Variants in CDH9 observed in about 807,000 individuals in gnomAD.
CDH9 encodes the protein cadherin-9.
A neutral mutation model predicts 70.9 loss-of-function variants in CDH9; 28 were observed. The ratio of observed to expected loss-of-function variants is 0.40; its 90% confidence interval spans 0.29 to 0.54. The LOEUF (loss-of-function observed/expected upper bound fraction) is 0.54. Among genes scored for constraint, CDH9 ranks in the 20% least tolerant of loss-of-function variants. The pLI is 0.59. For synonymous variants in CDH9, 409 were observed against 343.1 expected (o/e 1.19, Z -2.12); for missense variants, 874 against 984.4 (o/e 0.89, Z 1.50).
At chr5:26,954,498 C>T (rs569520104) in intron 2 of CDH9, among the ~76,000 whole-genome samples, 17 of 149,648 alleles carry the variant, frequency 1.1e-4, no homozygotes, top group African/African-American at 4.2e-4. Context: ...CATTCGCCTG[C>T]CTCAGCCTCC....
intron 2 of CDH9, among the ~76,000 whole-genome samples, chr5:26,944,829 C>G (rs1741721461): frequency 6.6e-6 from 1 of 152,054 alleles, no homozygotes; most frequent in Non-Finnish European, 1.5e-5. Flanking sequence ...CCAACACCGA[C>G]AGGAAGCTAA....
intron 1 of CDH9, among the ~76,000 whole-genome samples, chr5:27,004,780 A>G (rs184339539): frequency 1.2e-4 from 19 of 152,262 alleles, no homozygotes; most frequent in African/African-American, 4.1e-4. Flanking sequence ...AAGTGGAAAT[A>G]ATAACTCAAA....
chr5:27,004,848 A>T lies in CDH9; in HGVS notation c.-49-16466T>A, dbSNP rs76926046. ...CATGCATTTGGATAATGGAGTCTAG[A>T]ATTTACAGCAGATTTTTAATACTGA... is the stretch of plus-strand genomic sequence containing the variant. On this transcript the variant is annotated intron_variant, in intron 1 of 11. Transcript: ENST00000231021. Among the ~76,000 whole-genome samples the T allele has an allele frequency of 4.0e-3, 608 of 152,292 alleles. 1 individual carries two copies. Among genetic ancestry groups the T allele is most frequent in the South Asian group, 7.0e-3 (34 of 4,830 alleles).
intron 7 of CDH9, among the ~76,000 whole-genome samples, chr5:26,900,848 G>T (rs966428622): frequency 6.6e-6 from 1 of 151,980 alleles, no homozygotes; most frequent in African/African-American, 2.4e-5. Context: ...CACTTGTTGA[G>T]CATTTGTAGC....
rs544736445 is a variant in CDH9 at position 26,909,179 on chromosome 5, G to T, written c.524-2341C>A. On this transcript the variant is annotated intron_variant, in intron 3 of 11. Transcript: ENST00000231021. Reference sequence around the variant, plus strand: ...TTTTTGTATTTTTAGTAGAGACGGGGTTTCCCATGTTAGCCAGGATGGTCT... The same window carrying T: ...TTTTTGTATTTTTAGTAGAGACGGGTTTTCCCATGTTAGCCAGGATGGTCT... Among the ~76,000 whole-genome samples, 439 of 152,076 alleles carry T rather than the reference G, an allele frequency of 2.9e-3. 3 individuals are homozygous for T. The highest frequency in any genetic ancestry group is 9.8e-3 in the African/African-American group (406 of 41,516).
chr5:26,929,490 T>C (rs919325968), intron 2 of CDH9, among the ~76,000 whole-genome samples: 2 of 151,974 alleles, frequency 1.3e-5, no homozygotes, highest in African/African-American at 4.8e-5. Flanking sequence ...CACAGATACA[T>C]ACATAGCCAA....
chr5:26,910,224 C>CATCT (rs61512455), intron 3 of CDH9, among the ~76,000 whole-genome samples: 62,809 of 148,936 alleles, frequency 0.42, 13,389 homozygotes, highest in East Asian at 0.53. Flanking sequence ...ATCTATCATC[C>CATCT]ATCTATCTAT....
chr5:26,974,103 G>C (rs920172070), intron 2 of CDH9, among the ~76,000 whole-genome samples: 3 of 152,038 alleles, frequency 2.0e-5, no homozygotes, highest in Non-Finnish European at 2.9e-5. Flanking sequence ...AATTAGCCGG[G>C]CATGATAGTG....
At chr5:26,935,218 A>C (rs947080737) in intron 2 of CDH9, among the ~76,000 whole-genome samples, 5 of 152,212 alleles carry the variant, frequency 3.3e-5, no homozygotes, top group African/African-American at 9.6e-5. Flanking sequence ...CAAGCTAAAA[A>C]TAAAGGAGAA....
chr5:26,958,417 C>A (rs919743296), intron 2 of CDH9, among the ~76,000 whole-genome samples: 1 of 152,154 alleles, frequency 6.6e-6, no homozygotes, highest in Non-Finnish European at 1.5e-5. Flanking sequence ...ATGACCTCCC[C>A]GTTTGCCTGC....
intron 7 of CDH9, among the ~76,000 whole-genome samples, chr5:26,897,772 C>T (rs1740779394): frequency 6.6e-6 from 1 of 152,080 alleles, no homozygotes; most frequent in Non-Finnish European, 1.5e-5. Flanking sequence ...ACAAGGATGT[C>T]CTCTCTCACC....
intron 3 of CDH9, among the ~76,000 whole-genome samples, chr5:26,908,416 CA>C (rs1380497112): frequency 6.6e-6 from 1 of 151,822 alleles, no homozygotes; most frequent in Non-Finnish European, 1.5e-5. Context: ...GTGGTTTTCA[CA>C]ATTGGAGGTT....
In CDH9 at chr5:26,886,094, A is replaced by C; in HGVS notation, c.1513-11T>G. On this transcript the variant is annotated splice_polypyrimidine_tract_variant and intron_variant, in intron 9 of 11. Coordinates refer to ENST00000231021, the MANE Select transcript of CDH9 (RefSeq NM_016279.4). ...GACAGTCTGAATCAACTGAAACCAA[A>C]ATTAATTAATTAATTAATTAAGCCT... 2 of 1,550,552 alleles carry C rather than the reference A, an allele frequency of 1.3e-6. No homozygotes were observed. The highest frequency in any genetic ancestry group is 1.7e-6 in the Non-Finnish European group (2 of 1,148,846).
intron 2 of CDH9, among the ~76,000 whole-genome samples, chr5:26,983,842 T>G (rs1561028692): frequency 6.6e-6 from 1 of 152,156 alleles, no homozygotes; most frequent in African/African-American, 2.4e-5. Context: ...CATCAGTTAC[T>G]TCTACATATC....
At chr5:27,005,227 T>G (rs1284650994) in intron 1 of CDH9, among the ~76,000 whole-genome samples, 1 of 152,112 alleles carries the variant, frequency 6.6e-6, no homozygotes, top group African/African-American at 2.4e-5. Flanking sequence ...TGTACAGTAT[T>G]TGATTAACTC....
chr5:26,949,591 T>C (rs1028396911), intron 2 of CDH9, among the ~76,000 whole-genome samples: 1 of 152,190 alleles, frequency 6.6e-6, no homozygotes, highest in Non-Finnish European at 1.5e-5. Flanking sequence ...ATTGAACTCA[T>C]GTTCATCATG....
intron 2 of CDH9, among the ~76,000 whole-genome samples, chr5:26,963,897 G>A (rs1276767201): frequency 1.3e-5 from 2 of 152,034 alleles, no homozygotes; most frequent in African/African-American, 4.8e-5. Flanking sequence ...AGTTTGAAAA[G>A]CTTTCACAAG....
At chr5:26,926,917 G>C (rs1579455680) in intron 2 of CDH9, among the ~76,000 whole-genome samples, 1 of 125,346 alleles carries the variant, frequency 8.0e-6, no homozygotes, top group African/African-American at 3.1e-5. Context: ...CAAAAATACA[G>C]CCCCCCCCCG....
At chr5:26,929,903 G>A (rs959483287) in intron 2 of CDH9, among the ~76,000 whole-genome samples, 1 of 151,888 alleles carries the variant, frequency 6.6e-6, no homozygotes, top group Non-Finnish European at 1.5e-5. Flanking sequence ...AATATAGTTA[G>A]GGGGAATGAA....
Sources: gnomAD v4.1 joint callset for allele counts (sites outside exome capture counted in the v4.1 genomes callset) on GRCh38, gnomAD v4.1.1 for gene constraint, MANE v1.5 for transcripts, NCBI Gene and HGNC (gene_info 2026-07-23, HGNC 2026-07-21) for gene names.